Variants in PRKG1 observed in about 807,000 individuals in gnomAD.
PRKG1 encodes the protein protein kinase cGMP-dependent 1.
A neutral mutation model predicts 88.1 loss-of-function variants in PRKG1; 35 were observed. That is an observed-to-expected ratio of 0.40 (90% CI 0.30 to 0.53). PRKG1 has a LOEUF of 0.53. Among genes scored for constraint, PRKG1 ranks in the 20% least tolerant of loss-of-function variants. The pLI, the probability that PRKG1 is intolerant of heterozygous loss-of-function variation, is 0.59. For synonymous variants in PRKG1, 303 were observed against 292.5 expected (o/e 1.04, Z -0.37); for missense variants, 540 against 839.8 (o/e 0.64, Z 4.41).
At chr10:51,890,396 A>T (rs1039995022) in intron 4 of PRKG1, among the ~76,000 whole-genome samples, 1 of 152,218 alleles carries the variant, frequency 6.6e-6, no homozygotes, top group African/African-American at 2.4e-5. Context: ...ATCTTAGGAT[A>T]AATTGTATGG....
At chr10:52,266,145 C>T (rs1051669568) in intron 10 of PRKG1, among the ~76,000 whole-genome samples, 4 of 151,542 alleles carry the variant, frequency 2.6e-5, no homozygotes, top group Admixed American at 6.6e-5. Context: ...TGACAACTTA[C>T]GTTAGTATGG....
At chr10:51,102,905 CTT>C (rs1355887114) in intron 1 of PRKG1, among the ~76,000 whole-genome samples, 1 of 151,644 alleles carries the variant, frequency 6.6e-6, no homozygotes, top group Non-Finnish European at 1.5e-5. Context: ...GGAGAGGAAA[CTT>C]TTTAAAGCAA....
At chr10:51,944,474 A>T (rs1842980970) in intron 5 of PRKG1, among the ~76,000 whole-genome samples, 1 of 151,782 alleles carries the variant, frequency 6.6e-6, no homozygotes, top group South Asian at 2.1e-4. Context: ...CTCTGATTTT[A>T]GTTATTTCTT....
intron 2 of PRKG1, among the ~76,000 whole-genome samples, chr10:51,200,994 A>G (rs1036620401): frequency 1.3e-5 from 2 of 152,162 alleles, no homozygotes; most frequent in Non-Finnish European, 2.9e-5. Context: ...TGGGGCCACT[A>G]ATGAACATTC....
At chr10:51,099,656 T>G (rs2131878971) in intron 1 of PRKG1, among the ~76,000 whole-genome samples, 1 of 152,286 alleles carries the variant, frequency 6.6e-6, no homozygotes, top group South Asian at 2.1e-4. Context: ...TGGAATAAAG[T>G]TAATGAGGAA....
intron 2 of PRKG1, among the ~76,000 whole-genome samples, chr10:51,322,762 C>T (rs1239384685): frequency 6.6e-6 from 1 of 152,194 alleles, no homozygotes; most frequent in African/African-American, 2.4e-5. Context: ...TACAGCACTA[C>T]TAGCTTGCAT....
chr10:51,476,063 T>G (rs1840184321), intron 3 of PRKG1, among the ~76,000 whole-genome samples: 1 of 152,074 alleles, frequency 6.6e-6, no homozygotes, highest in Non-Finnish European at 1.5e-5. Context: ...GTACTTTCCA[T>G]AGGTGGCCAT....
chr10:51,451,190 C>A (rs1448980034), intron 2 of PRKG1, among the ~76,000 whole-genome samples: 1 of 151,724 alleles, frequency 6.6e-6, no homozygotes, highest in Non-Finnish European at 1.5e-5. Context: ...TAAGACCTAA[C>A]AGTATGTCTA....
chr10:51,884,424 G>A (rs377157694), intron 4 of PRKG1, among the ~76,000 whole-genome samples: 1,371 of 95,988 alleles, frequency 0.014, 61 homozygotes, highest in African/African-American at 0.053. Context: ...CAGCCTGGGC[G>A]ACAGAGTGAA....
chr10:51,829,146 C>T (rs567997297), intron 4 of PRKG1, among the ~76,000 whole-genome samples: 7 of 152,242 alleles, frequency 4.6e-5, no homozygotes, highest in Admixed American at 1.3e-4. Flanking sequence ...TGTTTCTGGC[C>T]GTGTGAACAT....
chr10:51,707,085 C>T (rs970761272), intron 3 of PRKG1, among the ~76,000 whole-genome samples: 1 of 152,106 alleles, frequency 6.6e-6, no homozygotes. Context: ...TTAACACTGC[C>T]ATTTTAGCCT....
At chr10:51,925,127 G>A (rs1046644786) in intron 5 of PRKG1, among the ~76,000 whole-genome samples, 7 of 151,090 alleles carry the variant, frequency 4.6e-5, no homozygotes, top group Non-Finnish European at 5.9e-5. Flanking sequence ...ACTATGCCTC[G>A]TAATTTTTTT....
rs192940654 is a variant in PRKG1 at position 51,352,303 on chromosome 10, A to C, written c.479-115420A>C. 3.5e-3 allele frequency among the ~76,000 whole-genome samples: 536 copies of C among 151,858 alleles called. 4 individuals are homozygous for C. Among genetic ancestry groups the C allele is most frequent in the South Asian group, 0.029 (139 of 4,794 alleles). On this transcript the variant is annotated intron_variant, in intron 2 of 17. Transcript: ENST00000373980. The stretch of plus-strand genomic sequence containing the variant: ...TGTGAAGAAAGTCAATGGTAGCTTG[A>C]TGGGGATAGCATTGCCTCTATAAAT...
At chr10:51,783,851 CA>C (rs1181444869) in intron 3 of PRKG1, among the ~76,000 whole-genome samples, 1 of 152,056 alleles carries the variant, frequency 6.6e-6, no homozygotes, top group East Asian at 1.9e-4. Context: ...GCAACTGAGA[CA>C]GTTTATAAAT....
chr10:51,720,256 C>T (rs909030111), intron 3 of PRKG1, among the ~76,000 whole-genome samples: 64 of 152,218 alleles, frequency 4.2e-4, no homozygotes, highest in African/African-American at 1.4e-3. Flanking sequence ...TATAGCTTCT[C>T]GTATCTTACC....
At chr10:52,097,952 CTTA>C (rs1847210606) in intron 7 of PRKG1, among the ~76,000 whole-genome samples, 1 of 151,998 alleles carries the variant, frequency 6.6e-6, no homozygotes, top group African/African-American at 2.4e-5. Context: ...GTAAGGTTTT[CTTA>C]TTTTTATTTG....
intron 2 of PRKG1, among the ~76,000 whole-genome samples, chr10:51,448,720 G>T (rs542425577): frequency 1.3e-5 from 2 of 152,054 alleles, no homozygotes; most frequent in Non-Finnish European, 2.9e-5. Context: ...ATCTTGGGAG[G>T]TCTGGACACA....
At chr10:51,196,939 T>C (rs1053395526) in intron 2 of PRKG1, among the ~76,000 whole-genome samples, 1 of 152,180 alleles carries the variant, frequency 6.6e-6, no homozygotes, top group Non-Finnish European at 1.5e-5. Context: ...TGTAGAGATA[T>C]ATTTCCCTTC....
intron 2 of PRKG1, among the ~76,000 whole-genome samples, chr10:51,435,648 C>A (rs566762364): frequency 7.6e-4 from 116 of 152,062 alleles, no homozygotes; most frequent in African/African-American, 2.7e-3. Context: ...TGCTTACTTA[C>A]TCCATTCATT....
Sources: gnomAD v4.1 joint callset for allele counts (sites outside exome capture counted in the v4.1 genomes callset) on GRCh38, gnomAD v4.1.1 for gene constraint, MANE v1.5 for transcripts, NCBI Gene and HGNC (gene_info 2026-07-23, HGNC 2026-07-21) for gene names.